The following APBA1 variants were observed in gnomAD, a reference collection of about 807,000 sequenced individuals.
APBA1 encodes the protein amyloid beta precursor protein binding family A member 1.
APBA1 carries 55 observed loss-of-function variants against 86.6 expected under a neutral mutation model. That is an observed-to-expected ratio of 0.64 (90% CI 0.51 to 0.80). The LOEUF is 0.80. Among genes scored for constraint, APBA1 ranks in the 30% least tolerant of loss-of-function variants. The probability of loss-of-function intolerance (pLI) is 0.00; values close to 1 mark genes in which losing one functional copy is unlikely to be tolerated. For synonymous variants in APBA1, 511 were observed against 493.9 expected (o/e 1.03, Z -0.46); for missense variants, 1,090 against 1,183.0 (o/e 0.92, Z 1.15).
chr9:69,487,580 TA>T (rs1394879519), intron 2 of APBA1, among the ~76,000 whole-genome samples: 1 of 152,026 alleles, frequency 6.6e-6, no homozygotes, highest in East Asian at 1.9e-4. Flanking sequence ...ATGAGAGCTC[TA>T]CCCTCATGAA....
At chr9:69,600,846 AAAAT>A (rs1054709830) in intron 1 of APBA1, among the ~76,000 whole-genome samples, 7 of 149,326 alleles carry the variant, frequency 4.7e-5, no homozygotes, top group Admixed American at 2.7e-4. Context: ...AATAAAATAA[AAAAT>A]AAATAAAATA....
At chr9:69,628,332 T>C (rs1405183167) in intron 1 of APBA1, among the ~76,000 whole-genome samples, 3 of 152,146 alleles carry the variant, frequency 2.0e-5, no homozygotes, top group African/African-American at 7.2e-5. Flanking sequence ...TCTTGCCCCA[T>C]GGAAACTGTG....
rs1823838728 is a variant in APBA1 at position 69,666,291 on chromosome 9, A to C, written c.-70+5862T>G. Among the ~76,000 whole-genome samples the C allele has an allele frequency of 2.0e-5, 3 of 152,002 alleles. No individual in the cohort carries two copies. In the South Asian group the frequency reaches 6.2e-4, roughly 32 times the overall value. On this transcript the variant is annotated intron_variant, in intron 1 of 12. Coordinates refer to ENST00000265381, the MANE Select transcript of APBA1 (RefSeq NM_001163.4). ...TTTTGATATCCTCTCTGCCTAGAAGACCCTTCCCCCAAATATCTGCAGGGC... is the reference window on the plus strand; with the variant it reads ...TTTTGATATCCTCTCTGCCTAGAAGCCCCTTCCCCCAAATATCTGCAGGGC...
chr9:69,548,168 C>T (rs147388054), intron 1 of APBA1, among the ~76,000 whole-genome samples: 52 of 152,132 alleles, frequency 3.4e-4, no homozygotes, highest in Non-Finnish European at 5.4e-4. Context: ...ACTTGGAAGA[C>T]GGGAGAAAGG....
intron 1 of APBA1, among the ~76,000 whole-genome samples, chr9:69,574,248 A>T (rs2133950677): frequency 6.6e-6 from 1 of 152,290 alleles, no homozygotes. Flanking sequence ...AGGCACAGGG[A>T]TCTGTATTTT....
rs766553712 is a variant in APBA1 at position 69,516,503 on chromosome 9, G to C, written c.708C>G (p.His236Gln). The C allele has an allele frequency of 1.3e-6, 2 of 1,597,264 alleles. No homozygotes were observed. Among genetic ancestry groups the C allele is most frequent in the East Asian group, 2.2e-5 (1 of 44,646 alleles). ...YRQEALGARL[H>Q]HYDERSDGES... ...CGCCGTCGGAGCGCTCGTCGTAATG[G>C]TGCAGCCGCGCGCCCAGGGCCTCCT... The change falls in exon 2 of 13, where the codon CAC (histidine) becomes CAG (glutamine). Residue 236 changes from histidine to glutamine, a missense_variant. By Grantham distance (24) the His-to-Gln change is conservative. This residue lies in a region of APBA1 where 678 missense variants were observed against 647.1 expected (regional missense o/e 1.05). Coordinates refer to ENST00000265381, the MANE Select transcript of APBA1 (RefSeq NM_001163.4). This position sits in a 1 kb window ranked among gnomAD's most constrained non-coding sequence, Gnocchi z 7.3.
intron 1 of APBA1, among the ~76,000 whole-genome samples, chr9:69,583,808 T>C (rs1050208243): frequency 1.3e-5 from 2 of 152,194 alleles, no homozygotes; most frequent in Non-Finnish European, 2.9e-5. Flanking sequence ...CTTTGTAGCA[T>C]GCACGAGCCA....
chr9:69,455,129 C>T (rs1179636556), intron 8 of APBA1, among the ~76,000 whole-genome samples: 1 of 152,166 alleles, frequency 6.6e-6, no homozygotes, highest in East Asian at 1.9e-4. Context: ...GCAATTTCTG[C>T]AGCTAGACGA....
At chr9:69,603,783 T>C (rs1244083150) in intron 1 of APBA1, among the ~76,000 whole-genome samples, 1 of 152,182 alleles carries the variant, frequency 6.6e-6, no homozygotes, top group African/African-American at 2.4e-5. Context: ...GCAGGCATCA[T>C]TAACAATTAT....
chr9:69,595,551 C>T (rs1822210329), intron 1 of APBA1, among the ~76,000 whole-genome samples: 1 of 152,186 alleles, frequency 6.6e-6, no homozygotes, highest in South Asian at 2.1e-4. Context: ...CTCCACATCT[C>T]CCATGCAGAA....
rs535063498 is a variant in APBA1, at chr9:69,518,123, AG to A, written c.-69-845del. Among the ~76,000 whole-genome samples, 28 of 152,332 alleles carry A rather than the reference AG, an allele frequency of 1.8e-4. No homozygotes were observed. In the South Asian group the frequency reaches 5.6e-3, roughly 30 times the overall value. Reference sequence around the variant, plus strand: ...ACAACCAACCACGGAAGACAATATTAGGGGAAAATATCCAACACAATACAAC... The same window carrying A: ...ACAACCAACCACGGAAGACAATATTAGGGAAAATATCCAACACAATACAAC... On this transcript the variant is annotated intron_variant, in intron 1 of 12. Coordinates refer to ENST00000265381, the MANE Select transcript of APBA1 (RefSeq NM_001163.4).
intron 3 of APBA1, 47 bp downstream of exon 3, chr9:69,476,001 G>T: frequency 6.6e-7 from 1 of 1,508,508 alleles, no homozygotes; most frequent in Non-Finnish European, 9.2e-7. Flanking sequence ...CAGTATTAGA[G>T]TAAAGCAAAA....
intron 11 of APBA1, among the ~76,000 whole-genome samples, chr9:69,435,326 G>C (rs1198557731): frequency 6.6e-6 from 1 of 152,024 alleles, no homozygotes; most frequent in African/African-American, 2.4e-5. Context: ...GGGATGGCTG[G>C]GTCAAATGGT....
At chr9:69,569,244 T>A (rs767885532) in intron 1 of APBA1, among the ~76,000 whole-genome samples, 61 of 152,178 alleles carry the variant, frequency 4.0e-4, no homozygotes, top group Non-Finnish European at 6.8e-4. Context: ...CCACATCACA[T>A]CCCTGAACTG....
chr9:69,637,779 T>C (rs1277850427), intron 1 of APBA1, among the ~76,000 whole-genome samples: 1 of 152,218 alleles, frequency 6.6e-6, no homozygotes, highest in Non-Finnish European at 1.5e-5. Context: ...TCATACTTTT[T>C]AAAATGACAA....
intron 1 of APBA1, among the ~76,000 whole-genome samples, chr9:69,647,003 A>C (rs916873146): frequency 6.6e-6 from 1 of 152,218 alleles, no homozygotes; most frequent in Non-Finnish European, 1.5e-5. Context: ...CTCAAGCCCC[A>C]GTATGCTGCC....
rs1554709948 is a variant in APBA1, at chr9:69,658,282, T to TTCTTTCTCTC, written c.-70+13870_-70+13871insGAGAGAAAGA. Among the ~76,000 whole-genome samples, 250 of 39,826 alleles carry TTCTTTCTCTC rather than the reference T, an allele frequency of 6.3e-3. 10 individuals are homozygous for TTCTTTCTCTC. Among genetic ancestry groups the TTCTTTCTCTC allele is most frequent in the Non-Finnish European group, 0.01 (167 of 16,000 alleles). The allele number at this position is 39,826 out of a possible 152,430, so 26.1% of individuals were successfully genotyped here. ...TTTCTTTCTTTCTTTCTTTCTTTCT[T>TTCTTTCTCTC]TCTCTCTCTCTTTCTCTCTCTCTCT... On this transcript the variant is annotated intron_variant, in intron 1 of 12. Coordinates refer to ENST00000265381, the MANE Select transcript of APBA1 (RefSeq NM_001163.4).
At chr9:69,475,992 A>G in intron 3 of APBA1, 56 bp downstream of exon 3, 2 of 1,379,760 alleles carry the variant, frequency 1.4e-6, no homozygotes, top group Admixed American at 1.7e-5. Context: ...AGCACAGAAC[A>G]GTATTAGAGT....
chr9:69,597,125 T>C (rs902940713), intron 1 of APBA1, among the ~76,000 whole-genome samples: 2 of 149,864 alleles, frequency 1.3e-5, no homozygotes, highest in African/African-American at 5.1e-5. Flanking sequence ...TAAAGTTGCA[T>C]GCTTTATCAA....
Sources: gnomAD v4.1 joint callset for allele counts (sites outside exome capture counted in the v4.1 genomes callset) on GRCh38, gnomAD v4.1.1 for gene constraint, gnomAD v4.1.1 regional missense constraint, Gnocchi (gnomAD v3.1) non-coding constraint, MANE v1.5 for transcripts, NCBI Gene and HGNC (gene_info 2026-07-23, HGNC 2026-07-21) for gene names.